SMARCA4: variants seen among roughly 807,000 people sequenced by gnomAD.
SMARCA4 encodes the protein SWI/SNF-related matrix-associated actin-dependent regulator of chromatin subfamily A member 4.
Under a neutral mutation model 193.9 loss-of-function variants are expected in SMARCA4, and 31 were observed. The observed-to-expected ratio is 0.16, with a 90% CI of 0.12 to 0.22. The LOEUF (loss-of-function observed/expected upper bound fraction) is 0.22, where lower values mean the gene tolerates loss of function less well. Ranked by LOEUF, SMARCA4 falls within the 10% of genes least tolerant of loss-of-function variation. The pLI is 1.00. For missense variants in SMARCA4, 1,148 were observed against 2,296.0 expected, an observed-to-expected ratio of 0.50 and a Z score of 10.22; for synonymous variants, 942 against 933.1, an observed-to-expected ratio of 1.01 and a Z score of -0.17.
In SMARCA4 at chr19:10,985,560, G is replaced by A. The variant is rs1301574722; in HGVS notation, c.355+155G>A. On this transcript the variant is annotated intron_variant, in intron 3 of 34. Transcript: ENST00000344626. The surrounding 1 kb of genome is among the most constrained non-coding windows in gnomAD (Gnocchi z 4.5). ...GCCACAGAGAGCTGTCTGGCATGGCGTGGCTGGTGCTCTGTTCTGGCCACC... is the reference window on the plus strand; with the variant it reads ...GCCACAGAGAGCTGTCTGGCATGGCATGGCTGGTGCTCTGTTCTGGCCACC... 2.7e-5 allele frequency: 11 copies of A among 410,220 alleles called. No individual in the cohort carries two copies. The highest frequency in any genetic ancestry group is 3.3e-5 in the Non-Finnish European group (10 of 304,326). 25.4% of individuals were successfully genotyped at this position (410,220 alleles called of 1,614,324 possible).
chr19:11,039,391 G>T, intron 29 of SMARCA4: 1 of 858,232 alleles, frequency 1.2e-6, no homozygotes. Context: ...CCAAGAACAA[G>T]GGGAGGCTAA....
At position 10,984,492 on chromosome 19, in the gene SMARCA4, T is replaced by A. The variant is rs113730449; in HGVS notation, c.222+119T>A. On this transcript the variant is annotated intron_variant, in intron 2 of 34. Coordinates refer to ENST00000344626, the MANE Select transcript of SMARCA4 (RefSeq NM_003072.5). This position sits in a 1 kb window ranked among gnomAD's most constrained non-coding sequence, Gnocchi z 4.3. ...GGAAGCCTTCTTGTTGGAGGTGTCCTGCCTTGGCTCAGCCCCCTACCCCAG... is the reference window on the plus strand; with the variant it reads ...GGAAGCCTTCTTGTTGGAGGTGTCCAGCCTTGGCTCAGCCCCCTACCCCAG... 3,530 of 1,526,786 alleles carry A rather than the reference T, an allele frequency of 2.3e-3. 74 individuals carry two copies. In the African/African-American group the frequency reaches 0.044, roughly 19 times the overall value. 94.6% of individuals were successfully genotyped at this position (1,526,786 alleles called of 1,614,324 possible). A position where few individuals can be genotyped will look rare whatever the true frequency, so the allele number is the denominator to read the frequency against.
intron 11 of SMARCA4, among the ~76,000 whole-genome samples, chr19:11,000,250 C>T (rs1292632904): frequency 6.7e-6 from 1 of 149,594 alleles, no homozygotes; most frequent in Non-Finnish European, 1.5e-5. Context: ...AAAGAAGTTA[C>T]TTTGGACCAG....
At position 10,993,345 on chromosome 19, in the gene SMARCA4, A is replaced by G. The variant is rs2086723392; in HGVS notation, c.1420-1483A>G. Reference sequence around the variant, plus strand: ...ACTTTTGATGTCTACACTGTATTCCATTTCTATGTGTCCAGGATCTAATCA... The same window carrying G: ...ACTTTTGATGTCTACACTGTATTCCGTTTCTATGTGTCCAGGATCTAATCA... On this transcript the variant is annotated intron_variant, in intron 8 of 34. Coordinates refer to ENST00000344626, the MANE Select transcript of SMARCA4 (RefSeq NM_003072.5). Among the ~76,000 whole-genome samples, 12 of 152,180 alleles carry G rather than the reference A, an allele frequency of 7.9e-5. 1 individual carries two copies. The highest frequency in any genetic ancestry group is 7.9e-4 in the Admixed American group (12 of 15,272).
intron 1 of SMARCA4, among the ~76,000 whole-genome samples, chr19:10,980,217 C>T (rs1446111017): frequency 6.6e-6 from 1 of 152,150 alleles, no homozygotes; most frequent in Non-Finnish European, 1.5e-5. Context: ...GTGGCACCCG[C>T]GTTCCTGTTT....
chr19:11,001,542 G>A (rs1256764335), intron 11 of SMARCA4, among the ~76,000 whole-genome samples: 1 of 152,184 alleles, frequency 6.6e-6, no homozygotes, highest in Non-Finnish European at 1.5e-5. Context: ...TGTAGGGGAG[G>A]CATGCAGCAA....
intron 30 of SMARCA4, among the ~76,000 whole-genome samples, chr19:11,052,090 G>T (rs1053016484): frequency 6.6e-6 from 1 of 152,046 alleles, no homozygotes; most frequent in Admixed American, 6.6e-5. Flanking sequence ...GCGAGACTCC[G>T]TCTCAAAAAT....
intron 16 of SMARCA4, among the ~76,000 whole-genome samples, chr19:11,015,026 G>T (rs999737907): frequency 6.6e-6 from 1 of 152,014 alleles, no homozygotes; most frequent in African/African-American, 2.4e-5. Flanking sequence ...TGTTGGCTAG[G>T]CTGGTCTTGA....
intron 1 of SMARCA4, among the ~76,000 whole-genome samples, chr19:10,963,370 CAAAAAA>C (rs755616481): frequency 3.8e-5 from 2 of 53,142 alleles, no homozygotes; most frequent in Non-Finnish European, 7.6e-5. Flanking sequence ...AAGACTGTCT[CAAAAAA>C]AAAAAAAAAA....
intron 16 of SMARCA4, among the ~76,000 whole-genome samples, chr19:11,018,148 T>C (rs12609356): frequency 0.34 from 51,968 of 151,890 alleles, 9,155 homozygotes; most frequent in South Asian, 0.5. Flanking sequence ...AAACCACGAG[T>C]AGTCCCTGGG....
At chr19:11,053,952 AG>A (rs2076402166) in intron 30 of SMARCA4, among the ~76,000 whole-genome samples, 1 of 152,154 alleles carries the variant, frequency 6.6e-6, no homozygotes, top group South Asian at 2.1e-4. Flanking sequence ...AGACTGCAGC[AG>A]GTGTTTGCAG....
At chr19:10,980,438 G>T (rs929881692) in intron 1 of SMARCA4, among the ~76,000 whole-genome samples, 15 of 152,080 alleles carry the variant, frequency 9.9e-5, no homozygotes, top group Non-Finnish European at 2.2e-4. Flanking sequence ...TGACGGCATC[G>T]CATGATTTGA....
At chr19:11,048,734 T>C (rs1194363063) in intron 30 of SMARCA4, among the ~76,000 whole-genome samples, 2 of 152,246 alleles carry the variant, frequency 1.3e-5, no homozygotes, top group Non-Finnish European at 2.9e-5. Context: ...GTGGAATCTT[T>C]TCAAATATTG....
At chr19:11,016,755 AG>A (rs1418184155) in intron 16 of SMARCA4, among the ~76,000 whole-genome samples, 4 of 152,028 alleles carry the variant, frequency 2.6e-5, no homozygotes, top group Non-Finnish European at 5.9e-5. Context: ...AAATCCATCC[AG>A]CTTTGGCCAC....
At chr19:10,997,400 G>A (rs140962035) in intron 11 of SMARCA4, among the ~76,000 whole-genome samples, 8 of 152,112 alleles carry the variant, frequency 5.3e-5, no homozygotes, top group South Asian at 4.2e-4. Flanking sequence ...GGATTTCACC[G>A]TGTTAGCCAG....
chr19:10,980,126 C>G (rs568669157), intron 1 of SMARCA4, among the ~76,000 whole-genome samples: 79 of 152,284 alleles, frequency 5.2e-4, no homozygotes, highest in African/African-American at 1.9e-3. Context: ...CTTTGCATCA[C>G]TCCCGGGCTG....
At chr19:11,036,549 G>A (rs2075281726) in intron 29 of SMARCA4, among the ~76,000 whole-genome samples, 1 of 152,184 alleles carries the variant, frequency 6.6e-6, no homozygotes, top group Non-Finnish European at 1.5e-5. Context: ...ATGAGCCACG[G>A]TGCCCAGCTC....
Position 11,034,119 on chromosome 19 carries a change from A to G in SMARCA4, c.3874-4A>G, listed in dbSNP as rs757767069. 3 of 1,612,500 alleles carry G rather than the reference A, an allele frequency of 1.9e-6. No individual in the cohort carries two copies. The highest frequency in any genetic ancestry group is 1.1e-5 in the South Asian group (1 of 91,068). ...AGCGGCACTGACAGTTTGCAATCTT[A>G]TAGGAGGAAGACGAGGTGCCCGACG... On this transcript the variant is annotated splice_region_variant and splice_polypyrimidine_tract_variant and intron_variant, in intron 27 of 34. Coordinates refer to ENST00000344626, the MANE Select transcript of SMARCA4 (RefSeq NM_003072.5). This position sits in a 1 kb window ranked among gnomAD's most constrained non-coding sequence, Gnocchi z 7.0.
chr19:11,008,294 C>T (rs375346726), intron 14 of SMARCA4: 71 of 406,728 alleles, frequency 1.7e-4, no homozygotes, highest in East Asian at 8.8e-4. Flanking sequence ...CTCTGCTCCC[C>T]GGCTCCCTCC....
Sources: allele counts gnomAD v4.1 joint callset (sites outside exome capture counted in the v4.1 genomes callset), GRCh38; gene constraint gnomAD v4.1.1; non-coding constraint Gnocchi (gnomAD v3.1); transcripts MANE v1.5; gene names NCBI Gene and HGNC (gene_info 2026-07-23, HGNC 2026-07-21).